IQGAP1: variants seen among roughly 807,000 people sequenced by gnomAD.
The protein encoded by IQGAP1 is IQ motif containing GTPase activating protein 1, also known as ras GTPase-activating-like protein IQGAP1.
In IQGAP1, 66 loss-of-function variants were observed where a neutral mutation model predicts 215.6. The observed-to-expected ratio is 0.31, with a 90% CI of 0.25 to 0.38. IQGAP1 has a LOEUF of 0.38. Ranked by LOEUF, IQGAP1 falls within the 10% of genes least tolerant of loss-of-function variation. The probability of loss-of-function intolerance (pLI) is 1.00; values close to 1 mark genes in which losing one functional copy is unlikely to be tolerated. For synonymous variants in IQGAP1, 772 were observed against 728.7 expected, an observed-to-expected ratio of 1.06 and a Z score of -0.96; for missense variants, 1,712 against 1,997.1, an observed-to-expected ratio of 0.86 and a Z score of 2.72.
rs776715506 is a variant in IQGAP1, at chr15:90,453,137, T to C, written c.1332T>C (p.Asn444=). The stretch of plus-strand genomic sequence containing the variant: ...TTCTGTCCCTTTCTGTACAGCATAA[T>C]CTCACCCACCCAGAGCTCTCTGTCG... ...ATLQRQSPEH[N]LTHPELSVAV... Residue 444 remains asparagine, a synonymous_variant, in exon 13 of 38, where the codon AAT becomes AAC. Coordinates refer to ENST00000268182, the MANE Select transcript of IQGAP1 (RefSeq NM_003870.4). The C allele has an allele frequency of 6.0e-5, 97 of 1,610,632 alleles. 1 individual carries two copies. The South Asian group carries it at 9.0e-4, about 15-fold the overall frequency.
chr15:90,470,668 ACT>A (rs1277491016), intron 18 of IQGAP1, among the ~76,000 whole-genome samples: 16 of 151,550 alleles, frequency 1.1e-4, no homozygotes, highest in African/African-American at 3.4e-4. Flanking sequence ...TCACTAATTC[ACT>A]CTCTGTTACC....
intron 15 of IQGAP1, among the ~76,000 whole-genome samples, chr15:90,463,863 T>A (rs1242833680): frequency 1.3e-5 from 2 of 152,230 alleles, no homozygotes; most frequent in Non-Finnish European, 1.5e-5. Flanking sequence ...GGCCTTATCC[T>A]GTCACCTGCA....
chr15:90,438,960 G>A (rs1393010101), intron 5 of IQGAP1, among the ~76,000 whole-genome samples: 1 of 152,000 alleles, frequency 6.6e-6, no homozygotes, highest in African/African-American at 2.4e-5. Context: ...CCTGATGTCA[G>A]GTGATCCGCC....
At position 90,484,358 on chromosome 15, in the gene IQGAP1, T is replaced by C; in HGVS notation, c.3921+6T>C. On this transcript the variant is annotated splice_donor_region_variant and intron_variant, in intron 30 of 37. Coordinates refer to ENST00000268182, the MANE Select transcript of IQGAP1 (RefSeq NM_003870.4). ...AAATCATCAACACCCACACTGTAAGTATTTTTCTTTAATTACTTAATTTCA... is the reference window on the plus strand; with the variant it reads ...AAATCATCAACACCCACACTGTAAGCATTTTTCTTTAATTACTTAATTTCA... 2 of 1,602,496 alleles carry C rather than the reference T, an allele frequency of 1.2e-6. No individual in the cohort carries two copies. Among genetic ancestry groups the C allele is most frequent in the Non-Finnish European group, 1.7e-6 (2 of 1,172,698 alleles).
intron 37 of IQGAP1, among the ~76,000 whole-genome samples, chr15:90,497,893 G>A (rs1216578418): frequency 6.6e-6 from 1 of 152,158 alleles, no homozygotes; most frequent in Non-Finnish European, 1.5e-5. Flanking sequence ...ATTCCTAGGT[G>A]ACATCCAGAC....
At chr15:90,495,760 C>A (rs1966263977) in intron 36 of IQGAP1, among the ~76,000 whole-genome samples, 1 of 149,884 alleles carries the variant, frequency 6.7e-6, no homozygotes, top group Admixed American at 6.6e-5. Flanking sequence ...ACCTCAGCCT[C>A]CCAATTAGGT....
At chr15:90,405,742 G>GT (rs34327123) in intron 2 of IQGAP1, among the ~76,000 whole-genome samples, 53,116 of 142,176 alleles carry the variant, frequency 0.37, 10,388 homozygotes, top group East Asian at 0.77. Context: ...AGTGTTCCAG[G>GT]TTTTTTTTTT....
intron 18 of IQGAP1, 129 bp downstream of exon 18, chr15:90,467,721 T>C: frequency 2.3e-6 from 2 of 888,498 alleles, no homozygotes; most frequent in South Asian, 2.3e-5. Context: ...ATGAGCTGTT[T>C]TGCGGTAATT....
chr15:90,452,640 T>C (rs1363030708), intron 11 of IQGAP1, 135 bp from the exon 12 acceptor site: 6 of 962,348 alleles, frequency 6.2e-6, no homozygotes, highest in Non-Finnish European at 9.1e-6. Flanking sequence ...GCTGCTTTTT[T>C]AAAGACGAAA....
chr15:90,414,176 T>C (rs1299893607), intron 2 of IQGAP1, among the ~76,000 whole-genome samples: 1 of 152,014 alleles, frequency 6.6e-6, no homozygotes, highest in Non-Finnish European at 1.5e-5. Context: ...AGAAGTTGGC[T>C]GGGTGCAGTG....
Position 90,426,222 on chromosome 15 carries a change from G to C in IQGAP1, c.268G>C (p.Val90Leu). The C allele has an allele frequency of 6.2e-7, 1 of 1,603,426 alleles. No homozygotes were observed. The highest frequency in any genetic ancestry group is 8.5e-7 in the Non-Finnish European group (1 of 1,176,786). The change falls in exon 3 of 38, where the codon GTG (valine) becomes CTG (leucine). Residue 90 changes from valine (V) to leucine (L), a missense_variant. Transcript: ENST00000268182. ...KLGNFFSPKV[V>L]SLKKIYDREQ... ...GGGGAACTTCTTCTCTCCCAAAGTA[G>C]TGTCCCTGAAAAAAATCTATGATCG...
intron 3 of IQGAP1, among the ~76,000 whole-genome samples, chr15:90,428,339 A>G (rs1285760726): frequency 6.6e-6 from 1 of 152,082 alleles, no homozygotes; most frequent in East Asian, 1.9e-4. Context: ...GGCCTCTCAA[A>G]GTGCCAGGAT....
intron 18 of IQGAP1, among the ~76,000 whole-genome samples, chr15:90,468,047 T>C (rs1352433181): frequency 7.8e-6 from 1 of 127,742 alleles, no homozygotes; most frequent in Non-Finnish European, 1.6e-5. Context: ...CATTCAACAG[T>C]TTTTGTTTGT....
intron 11 of IQGAP1, among the ~76,000 whole-genome samples, chr15:90,452,094 C>G (rs1024073203): frequency 2.0e-5 from 3 of 152,182 alleles, no homozygotes; most frequent in East Asian, 3.9e-4. Context: ...TCCCAAAGTG[C>G]TGGGATTACA....
chr15:90,397,454 A>G (rs1038779975), intron 2 of IQGAP1, among the ~76,000 whole-genome samples: 3 of 150,404 alleles, frequency 2.0e-5, no homozygotes, highest in Admixed American at 1.3e-4. Flanking sequence ...CATCTTACAG[A>G]GCTGCTGTGA....
At chr15:90,395,530 C>T (rs888516113) in intron 2 of IQGAP1, among the ~76,000 whole-genome samples, 3 of 152,118 alleles carry the variant, frequency 2.0e-5, no homozygotes, top group African/African-American at 7.2e-5. Flanking sequence ...CCGTGTTAGC[C>T]AGGATAGTCT....
intron 4 of IQGAP1, among the ~76,000 whole-genome samples, chr15:90,432,268 C>T (rs1373802017): frequency 1.3e-5 from 2 of 152,158 alleles, no homozygotes; most frequent in Non-Finnish European, 2.9e-5. Context: ...GTCATCCAGT[C>T]TCAAAACCTT....
At chr15:90,456,474 G>C (rs76489431) in intron 15 of IQGAP1, among the ~76,000 whole-genome samples, 159 bp downstream of exon 15, 1 of 152,084 alleles carries the variant, frequency 6.6e-6, no homozygotes, top group Non-Finnish European at 1.5e-5. Flanking sequence ...AGAGACATAG[G>C]CTCCACCTAC....
intron 26 of IQGAP1, 113 bp from the exon 27 acceptor site, chr15:90,481,847 C>A: frequency 1.8e-6 from 2 of 1,137,806 alleles, no homozygotes; most frequent in Non-Finnish European, 2.5e-6. Context: ...TGAGGATGAG[C>A]TTAAGCTATC....
Sources: gnomAD v4.1 joint callset for allele counts (sites outside exome capture counted in the v4.1 genomes callset) on GRCh38, gnomAD v4.1.1 for gene constraint, MANE v1.5 for transcripts, NCBI Gene and HGNC (gene_info 2026-07-23, HGNC 2026-07-21) for gene names.